GGA2: variants seen among roughly 807,000 people sequenced by gnomAD.
GGA2 encodes golgi associated, gamma adaptin ear containing, ARF binding protein 2, also known as ADP-ribosylation factor-binding protein GGA2.
In GGA2, 48 loss-of-function variants were observed where a neutral mutation model predicts 79.5. The observed-to-expected ratio is 0.60, with a 90% CI of 0.48 to 0.77. The LOEUF (loss-of-function observed/expected upper bound fraction) is 0.77. GGA2 is among the 30% of genes least tolerant of loss of function. The pLI is 0.00. For synonymous variants in GGA2, 317 were observed against 302.0 expected, an observed-to-expected ratio of 1.05 and a Z score of -0.51; for missense variants, 770 against 774.0, an observed-to-expected ratio of 0.99 and a Z score of 0.06.
At position 23,486,735 on chromosome 16, in the gene GGA2, C is replaced by CGGTTTGCA. The variant is rs1964718187; in HGVS notation, c.627_634dup (p.Arg212LeufsTer5). 6.2e-7 allele frequency: 1 copy of CGGTTTGCA among 1,609,778 alleles called. No individual in the cohort carries two copies. Among genetic ancestry groups the CGGTTTGCA allele is most frequent in the African/African-American group, 1.3e-5 (1 of 74,832 alleles). ...CTCCTTGACCAAATTCTTGATTAAC[C>CGGTTTGCA]GGTTTGCAGCCTGAAGGTCCTCGGG... On this transcript the variant is annotated frameshift_variant, in exon 7 of 17. Coordinates refer to ENST00000309859, the MANE Select transcript of GGA2 (RefSeq NM_015044.4). LOFTEE classifies it high-confidence loss of function.
intron 2 of GGA2, among the ~76,000 whole-genome samples, chr16:23,519,366 A>C (rs1185004590): frequency 6.6e-6 from 1 of 152,036 alleles, no homozygotes; most frequent in Non-Finnish European, 1.5e-5. Flanking sequence ...TCTCTAAACA[A>C]CACCGAAAAA....
At chr16:23,518,857 A>G (rs906972855) in intron 2 of GGA2, among the ~76,000 whole-genome samples, 6 of 152,236 alleles carry the variant, frequency 3.9e-5, no homozygotes, top group Admixed American at 6.5e-5. Context: ...TGCTATGGTT[A>G]TACAAAAAGA....
intron 1 of GGA2, among the ~76,000 whole-genome samples, chr16:23,520,945 C>T (rs540447469): frequency 1.3e-5 from 2 of 152,120 alleles, no homozygotes; most frequent in African/African-American, 4.8e-5. Context: ...GTATGTACCA[C>T]CACACCTGGC....
In GGA2 at chr16:23,479,822, G is replaced by A. The variant is rs373542228; in HGVS notation, c.1072C>T (p.Pro358Ser). Reference protein sequence around the residue: ...PLIDLEVDNGPAQMGTVVPSL... With the variant: ...PLIDLEVDNGSAQMGTVVPSL... ...GGCACCACAGTCCCCATCTGCGCAG[G>A]TCCATTGTCCACCTCCAAGTCAATC... Residue 358 changes from proline (P) to serine (S), a missense_variant, in exon 11 of 17, where the codon CCT becomes TCT. Physicochemically the swap from Pro to Ser is moderately conservative, Grantham distance 74. Coordinates refer to ENST00000309859, the MANE Select transcript of GGA2 (RefSeq NM_015044.4). 1.9e-6 allele frequency: 3 copies of A among 1,614,090 alleles called. No individual in the cohort carries two copies. Among genetic ancestry groups the A allele is most frequent in the Non-Finnish European group, 8.5e-7 (1 of 1,179,968 alleles).
At chr16:23,517,898 C>CTATT (rs934775263) in intron 2 of GGA2, among the ~76,000 whole-genome samples, 18 of 144,850 alleles carry the variant, frequency 1.2e-4, no homozygotes, top group South Asian at 4.5e-4. Context: ...CGCGCCTGGC[C>CTATT]TATTTATTTA....
upstream of GGA2, chr16:23,522,771 C>T (rs1166098612): frequency 2.6e-5 from 4 of 152,186 alleles, no homozygotes; most frequent in South Asian, 2.1e-4. Context: ...GTGTGTCTGA[C>T]GTTCCGGAGC....
At chr16:23,494,011 GA>G (rs1320069227) in intron 3 of GGA2, 3 of 447,348 alleles carry the variant, frequency 6.7e-6, no homozygotes, top group African/African-American at 2.0e-5. Context: ...GCCCTCTCTA[GA>G]AAAGGCACAT....
chr16:23,491,774 T>C lies in GGA2; in HGVS notation c.378A>G (p.Lys126=), dbSNP rs1371237507. 1.2e-6 allele frequency: 2 copies of C among 1,611,958 alleles called. No homozygotes were observed. Among genetic ancestry groups the C allele is most frequent in the Non-Finnish European group, 1.7e-6 (2 of 1,178,150 alleles). The change falls in exon 5 of 17, where the codon AAA becomes AAG. Residue 126 remains lysine (K), a synonymous_variant. Transcript: ENST00000309859. Reference sequence around the variant, plus strand: ...GTATTTCAATGACTCTTCCTTTAACTTTTCCTGTGGCCCAGGACCCCAGGT... The same window carrying C: ...GTATTTCAATGACTCTTCCTTTAACCTTTCCTGTGGCCCAGGACCCCAGGT... ...PKYLGSWATG[K]VKGRVIEILF...
At chr16:23,473,456 G>T (rs1211808023) in intron 14 of GGA2, among the ~76,000 whole-genome samples, 1 of 145,302 alleles carries the variant, frequency 6.9e-6, no homozygotes, top group Non-Finnish European at 1.5e-5. Flanking sequence ...CCAGGCTCAG[G>T]CTCCTGAGTA....
chr16:23,508,936 C>G (rs28377904), intron 1 of GGA2, among the ~76,000 whole-genome samples: 3,662 of 152,204 alleles, frequency 0.024, 134 homozygotes, highest in African/African-American at 0.082. Context: ...CTCCTTGTCC[C>G]CTGTCTGCAT....
At chr16:23,511,529 G>C (rs995732232), upstream of GGA2, among the ~76,000 whole-genome samples, 3 of 133,778 alleles carry the variant, frequency 2.2e-5, no homozygotes, top group Non-Finnish European at 4.8e-5. Flanking sequence ...ATGGAGTCTC[G>C]CTCTGTCGCC....
At chr16:23,493,660 C>T in intron 3 of GGA2, 2 of 567,680 alleles carry the variant, frequency 3.5e-6, no homozygotes, top group Non-Finnish European at 6.3e-6. Flanking sequence ...CTATAACTGC[C>T]TGAGGTTTAT....
intron 2 of GGA2, among the ~76,000 whole-genome samples, chr16:23,494,746 T>C (rs1964833685): frequency 1.3e-5 from 2 of 152,162 alleles, no homozygotes; most frequent in South Asian, 2.1e-4. Context: ...GCGATCAAAC[T>C]CTGGGTTCAA....
intron 1 of GGA2, among the ~76,000 whole-genome samples, chr16:23,497,194 T>A (rs1156602171): frequency 6.6e-6 from 1 of 152,058 alleles, no homozygotes; most frequent in East Asian, 1.9e-4. Context: ...GAAACCGTAC[T>A]GGTTCTGACA....
chr16:23,493,910 C>G (rs575669021), intron 3 of GGA2: 137 of 292,868 alleles, frequency 4.7e-4, no homozygotes, highest in Middle Eastern at 3.6e-3. Flanking sequence ...TCACCAACAT[C>G]TAAACACTCA....
At position 23,467,387 on chromosome 16, in the gene GGA2, AACACACACAC is replaced by A. The variant is rs57255054; in HGVS notation, c.*193_*202del. 2,897 of 327,400 alleles carry A rather than the reference AACACACACAC, an allele frequency of 8.8e-3. 6 individuals are homozygous for A. Among genetic ancestry groups the A allele is most frequent in the Middle Eastern group, 0.014 (16 of 1,176 alleles). The allele number at this position is 327,400 out of a possible 1,614,324, so 20.3% of individuals were successfully genotyped here. ...GCCCTGTGCTACCACCCTCTCCCCGAACACACACACACACACACACACACACACACACACA... is the reference window on the plus strand; with the variant it reads ...GCCCTGTGCTACCACCCTCTCCCCGAACACACACACACACACACACACACA... On this transcript the variant is annotated 3_prime_UTR_variant, in exon 17 of 17. Coordinates refer to ENST00000309859, the MANE Select transcript of GGA2 (RefSeq NM_015044.4).
chr16:23,503,709 A>G (rs58827446), intron 1 of GGA2, among the ~76,000 whole-genome samples: 2,029 of 152,368 alleles, frequency 0.013, 50 homozygotes, highest in African/African-American at 0.046. Flanking sequence ...ATACTGAATA[A>G]AAGGAAAACG....
At chr16:23,499,686 T>G (rs1465280802) in intron 1 of GGA2, among the ~76,000 whole-genome samples, 1 of 151,424 alleles carries the variant, frequency 6.6e-6, no homozygotes, top group Non-Finnish European at 1.5e-5. Flanking sequence ...ATGGTCTCGA[T>G]CTCCTGACCT....
chr16:23,506,713 C>G (rs1964977218), intron 1 of GGA2, among the ~76,000 whole-genome samples: 1 of 152,286 alleles, frequency 6.6e-6, no homozygotes, highest in African/African-American at 2.4e-5. Flanking sequence ...CTTCGGTTTG[C>G]CTCACCAGCC....
Sources: gnomAD v4.1 joint callset for allele counts (sites outside exome capture counted in the v4.1 genomes callset) on GRCh38, gnomAD v4.1.1 for gene constraint, MANE v1.5 for transcripts, NCBI Gene and HGNC (gene_info 2026-07-23, HGNC 2026-07-21) for gene names.